The following ASTN1 variants were observed in gnomAD, a reference collection of about 807,000 sequenced individuals.
The protein encoded by ASTN1 is astrotactin 1.
In ASTN1, 41 loss-of-function variants were observed where a neutral mutation model predicts 140.7. The observed-to-expected ratio is 0.29, with a 90% CI of 0.23 to 0.38. The LOEUF is 0.38. Ranked by LOEUF, ASTN1 falls within the 10% of genes least tolerant of loss-of-function variation. The pLI, the probability that ASTN1 is intolerant of heterozygous loss-of-function variation, is 1.00. For synonymous variants in ASTN1, 640 were observed against 652.2 expected, an observed-to-expected ratio of 0.98 and a Z score of 0.29; for missense variants, 1,479 against 1,678.8, an observed-to-expected ratio of 0.88 and a Z score of 2.08.
intron 12 of ASTN1, 130 bp downstream of exon 12, chr1:176,949,055 G>T: frequency 7.6e-7 from 1 of 1,309,738 alleles, no homozygotes; most frequent in South Asian, 1.4e-5. Flanking sequence ...AAGTCCTAGA[G>T]GCTCTTTCCT....
intron 1 of ASTN1, among the ~76,000 whole-genome samples, chr1:177,140,470 A>C (rs937997142): frequency 1.3e-5 from 2 of 152,330 alleles, no homozygotes; most frequent in Admixed American, 1.3e-4. Context: ...CTTTATGGGA[A>C]ACAAGGCTAA....
At chr1:176,975,485 G>A (rs1049224711) in intron 8 of ASTN1, among the ~76,000 whole-genome samples, 1 of 152,178 alleles carries the variant, frequency 6.6e-6, no homozygotes, top group African/African-American at 2.4e-5. Flanking sequence ...CTACATACAG[G>A]GCTGTTGGTT....
chr1:176,933,267 G>A (rs891833185), intron 16 of ASTN1, among the ~76,000 whole-genome samples: 38 of 152,222 alleles, frequency 2.5e-4, no homozygotes, highest in African/African-American at 9.2e-4. Context: ...TTGCCCCTGT[G>A]GCAGTCCTGC....
chr1:176,957,737 C>T lies in ASTN1; in HGVS notation c.1828G>A (p.Gly610Ser). Residue 610 changes from glycine to serine, a missense_variant, in exon 11 of 23, where the codon GGC (glycine) becomes AGC (serine). Gly to Ser is a moderately conservative substitution (Grantham distance 56). Coordinates refer to ENST00000361833, the MANE Select transcript of ASTN1 (RefSeq NM_004319.3). ...ATACAGCGGAAATTCTTACTGCAGCCCCCGTTATCTTTGCTGCAGTCGCGC... is the reference window on the plus strand; with the variant it reads ...ATACAGCGGAAATTCTTACTGCAGCTCCCGTTATCTTTGCTGCAGTCGCGC... ...PVRDCSKDNG[G>S]CSKNFRCISD... 1 of 1,614,074 alleles carries T rather than the reference C, an allele frequency of 6.2e-7. No individual in the cohort carries two copies. Among genetic ancestry groups the T allele is most frequent in the South Asian group, 1.1e-5 (1 of 91,080 alleles).
At position 176,954,784 on chromosome 1, in the gene ASTN1, G is replaced by C. The variant is rs992156252; in HGVS notation, c.1887+2894C>G. Reference sequence around the variant, plus strand: ...GAAATTTCAGCAATCCGTGGCTACTGGAGGGCCGTCTGGCTTGGAATGGTG... The same window carrying C: ...GAAATTTCAGCAATCCGTGGCTACTCGAGGGCCGTCTGGCTTGGAATGGTG... On this transcript the variant is annotated intron_variant, in intron 11 of 22. Coordinates refer to ENST00000361833, the MANE Select transcript of ASTN1 (RefSeq NM_004319.3). Among the ~76,000 whole-genome samples the C allele has an allele frequency of 5.9e-5, 9 of 152,320 alleles. No individual in the cohort carries two copies. The East Asian group carries it at 1.7e-3, about 29-fold the overall frequency.
intron 1 of ASTN1, among the ~76,000 whole-genome samples, chr1:177,124,346 G>A (rs569882666): frequency 2.0e-5 from 3 of 152,252 alleles, no homozygotes; most frequent in Middle Eastern, 3.4e-3. Context: ...GTTCAGTAGC[G>A]CATTTGAGGC....
chr1:177,022,688 T>C (rs923524008), intron 7 of ASTN1, among the ~76,000 whole-genome samples: 2 of 152,202 alleles, frequency 1.3e-5, no homozygotes, highest in Admixed American at 6.5e-5. Flanking sequence ...TTCAAATGTG[T>C]CCAGCATTTA....
intron 2 of ASTN1, among the ~76,000 whole-genome samples, chr1:177,049,523 C>CTATGTACA (rs1677429253): frequency 6.6e-6 from 1 of 152,244 alleles, no homozygotes; most frequent in African/African-American, 2.4e-5. Flanking sequence ...TCATTCCAGC[C>CTATGTACA]TCTCCTATGT....
intron 8 of ASTN1, among the ~76,000 whole-genome samples, chr1:176,977,400 T>C (rs1377514272): frequency 6.6e-6 from 1 of 152,248 alleles, no homozygotes; most frequent in African/African-American, 2.4e-5. Flanking sequence ...ACACATTTTC[T>C]GCTATGAAGA....
chr1:177,008,547 G>C (rs898315477), intron 8 of ASTN1, among the ~76,000 whole-genome samples: 1 of 149,662 alleles, frequency 6.7e-6, no homozygotes, highest in African/African-American at 2.5e-5. Flanking sequence ...GAGAGAGAGG[G>C]AGAGGAAGAG....
chr1:177,029,494 A>T (rs769313503), intron 5 of ASTN1, 140 bp downstream of exon 5: 3 of 851,738 alleles, frequency 3.5e-6, no homozygotes, highest in Admixed American at 1.8e-5. Context: ...AGGAAACACC[A>T]GTTGTGGTCC....
In ASTN1 at chr1:177,104,718, T is replaced by C. The variant is rs568619511; in HGVS notation, c.284-43453A>G. Reference sequence around the variant, plus strand: ...CAACTGCACTATGTGCAGAGAATAGTAGAGTGAAATGAATGCTAGTCCAAA... The same window carrying C: ...CAACTGCACTATGTGCAGAGAATAGCAGAGTGAAATGAATGCTAGTCCAAA... On this transcript the variant is annotated intron_variant, in intron 1 of 22. Transcript: ENST00000361833. Among the ~76,000 whole-genome samples, 4 of 152,294 alleles carry C rather than the reference T, an allele frequency of 2.6e-5. No individual in the cohort carries two copies. In the East Asian group the frequency reaches 7.7e-4, roughly 29 times the overall value.
At chr1:176,859,618 T>C (rs1004657939), downstream of ASTN1, among the ~76,000 whole-genome samples, 2 of 152,112 alleles carry the variant, frequency 1.3e-5, no homozygotes. Context: ...CTGTCTCTAC[T>C]GAAAATACAA....
rs757235302 is a variant in ASTN1 at position 177,164,485 on chromosome 1, G to T, written c.192C>A (p.Pro64=). ...SIMHSPSASE[P]KLLFSVRNDF... is the part of the protein sequence containing the mutation. ...CGTTGCGCACCGAGAAGAGGAGCTT[G>T]GGCTCCGAGGCCGAGGGGCTGTGCA... The change falls in exon 1 of 23, where the codon CCC becomes CCA. Residue 64 remains proline (P), a synonymous_variant. Coordinates refer to ENST00000361833, the MANE Select transcript of ASTN1 (RefSeq NM_004319.3). 2.0e-5 allele frequency: 33 copies of T among 1,613,848 alleles called. No homozygotes were observed.
intron 1 of ASTN1, among the ~76,000 whole-genome samples, chr1:177,159,066 CAAAA>C (rs57759902): frequency 1.6e-4 from 12 of 74,662 alleles, no homozygotes; most frequent in East Asian, 7.3e-4. Flanking sequence ...GGATCCATCT[CAAAA>C]AAAAAAAAAA....
chr1:176,952,388 T>C (rs1047894353), intron 11 of ASTN1, among the ~76,000 whole-genome samples: 2 of 152,056 alleles, frequency 1.3e-5, no homozygotes, highest in African/African-American at 4.8e-5. Context: ...ACGACCTTGA[T>C]GGCGAGTCAA....
At chr1:177,076,690 T>G (rs1678931969) in intron 1 of ASTN1, among the ~76,000 whole-genome samples, 1 of 151,842 alleles carries the variant, frequency 6.6e-6, no homozygotes, top group Non-Finnish European at 1.5e-5. Context: ...CCTAGCTAAT[T>G]TTTGTATTTT....
chr1:176,997,094 C>A (rs1385000186), intron 8 of ASTN1, among the ~76,000 whole-genome samples: 2 of 152,298 alleles, frequency 1.3e-5, no homozygotes, highest in African/African-American at 4.8e-5. Flanking sequence ...GGTTACAATG[C>A]ATGATGCTGA....
At chr1:177,082,679 G>C (rs2102079837) in intron 1 of ASTN1, among the ~76,000 whole-genome samples, 1 of 152,272 alleles carries the variant, frequency 6.6e-6, no homozygotes, top group East Asian at 1.9e-4. Context: ...TTGTTCAGGG[G>C]AGATGTTTTT....
Sources: allele counts gnomAD v4.1 joint callset (sites outside exome capture counted in the v4.1 genomes callset), GRCh38; gene constraint gnomAD v4.1.1; transcripts MANE v1.5; gene names NCBI Gene and HGNC (gene_info 2026-07-23, HGNC 2026-07-21).